SET: variants seen among roughly 807,000 people sequenced by gnomAD.
The protein encoded by SET is protein SET.
A neutral mutation model predicts 39.0 loss-of-function variants in SET; 4 were observed. The ratio of observed to expected loss-of-function variants is 0.10; its 90% CI spans 0.05 to 0.23. The LOEUF (loss-of-function observed/expected upper bound fraction) is 0.23, where lower values mean the gene tolerates loss of function less well. SET is among the 10% of genes least tolerant of loss of function. The pLI is 1.00. For missense variants in SET, 137 were observed against 329.7 expected, an observed-to-expected ratio of 0.42 and a Z score of 4.53; for synonymous variants, 114 against 115.9, an observed-to-expected ratio of 0.98 and a Z score of 0.11.
At chr9:128,692,435 G>T in intron 3 of SET, 1 of 321,264 alleles carries the variant, frequency 3.1e-6, no homozygotes, top group African/African-American at 2.2e-5. Flanking sequence ...TCAAAGACGG[G>T]AAAAGATATA....
In SET at chr9:128,692,152, C is replaced by T. The variant is rs540634039; in HGVS notation, c.274+152C>T. 51 of 888,366 alleles carry T rather than the reference C, an allele frequency of 5.7e-5. No homozygotes were observed. In the African/African-American group the frequency reaches 7.7e-4, roughly 13 times the overall value. 55.0% of individuals were successfully genotyped at this position (888,366 alleles called of 1,614,324 possible). A position where few individuals can be genotyped will look rare whatever the true frequency, so the allele number is the denominator to read the frequency against. On this transcript the variant is annotated intron_variant, in intron 3 of 7. Transcript: ENST00000322030. ...CTGTAATCCCAGCACTTTGGGAGGC[C>T]GAGGTGGGTGGATCACTTGAGGTCA...
chr9:128,694,428 G>A (rs1861656630), intron 7 of SET, among the ~76,000 whole-genome samples: 1 of 152,084 alleles, frequency 6.6e-6, no homozygotes, highest in Admixed American at 6.6e-5. Flanking sequence ...TTTTATTTCG[G>A]ATTATTTGAT....
In SET at chr9:128,695,165, A is replaced by G. The variant is rs1409377152; in HGVS notation, c.*501A>G. On this transcript the variant is annotated 3_prime_UTR_variant, in exon 8 of 8. Transcript: ENST00000322030. ...TTTAAAAAAAGAAAAAAAAACTTAA[A>G]AAAATGGGGTTATAGAAGGTCAGCA... The G allele has an allele frequency of 4.5e-6, 1 of 223,738 alleles. No homozygotes were observed. Among genetic ancestry groups the G allele is most frequent in the Admixed American group, 5.7e-5 (1 of 17,540 alleles). The allele number at this position is 223,738 out of a possible 1,614,324, so 13.9% of individuals were successfully genotyped here. A position where few individuals can be genotyped will look rare whatever the true frequency, so the allele number is the denominator to read the frequency against.
chr9:128,693,546 T>G (rs1861620486), intron 5 of SET, 92 bp from the exon 6 acceptor site: 3 of 1,358,118 alleles, frequency 2.2e-6, no homozygotes, highest in South Asian at 3.1e-5. Context: ...TTTGTTTTGC[T>G]TAGCTTTTGG....
intron 1 of SET, chr9:128,690,940 G>T: frequency 1.7e-6 from 1 of 579,982 alleles, no homozygotes; most frequent in Non-Finnish European, 3.1e-6. Context: ...TTAAAAAGGC[G>T]CTATAGAAAA....
chr9:128,693,535 AT>A, intron 5 of SET, 102 bp from the exon 6 acceptor site: 1 of 1,228,888 alleles, frequency 8.1e-7, no homozygotes, highest in Admixed American at 2.8e-5. Context: ...GTATACTGAT[AT>A]TTGTTTTGCT....
upstream of SET, among the ~76,000 whole-genome samples, chr9:128,686,700 G>T (rs753721279): frequency 6.6e-6 from 1 of 152,172 alleles, no homozygotes; most frequent in African/African-American, 2.4e-5. Flanking sequence ...GGCAGGGTGC[G>T]ATGGCTAACT....
upstream of SET, among the ~76,000 whole-genome samples, chr9:128,686,310 G>T (rs1861284023): frequency 6.6e-6 from 1 of 151,992 alleles, no homozygotes; most frequent in Non-Finnish European, 1.5e-5. Flanking sequence ...GAAAAGAGGG[G>T]CAGGGAGGTG....
chr9:128,688,344 C>G (rs746212026), upstream of SET, among the ~76,000 whole-genome samples: 1 of 152,152 alleles, frequency 6.6e-6, no homozygotes, highest in Non-Finnish European at 1.5e-5. Context: ...ATGCTTTGGC[C>G]CTCCTTAGTG....
At chr9:128,685,324 C>A, upstream of SET, 2 of 862,780 alleles carry the variant, frequency 2.3e-6, no homozygotes, top group South Asian at 1.5e-5. Context: ...CACTAGACAG[C>A]GCCTAGCACA....
chr9:128,692,140 A>G, intron 3 of SET, 140 bp downstream of exon 3: 2 of 1,015,514 alleles, frequency 2.0e-6, no homozygotes, highest in South Asian at 1.8e-5. Context: ...TAATCCCAGC[A>G]CTTTGGGAGG....
chr9:128,692,214 C>G, intron 3 of SET: 1 of 465,636 alleles, frequency 2.1e-6, no homozygotes, highest in Non-Finnish European at 3.8e-6. Context: ...GGTTGAAACC[C>G]CGTCTCTACT....
chr9:128,685,434 G>A (rs1269391622), upstream of SET, among the ~76,000 whole-genome samples: 1 of 152,196 alleles, frequency 6.6e-6, no homozygotes, highest in Non-Finnish European at 1.5e-5. Context: ...AGGACTGGAA[G>A]GGATGGAAAG....
At chr9:128,691,511 C>T (rs1202516126) in intron 2 of SET, among the ~76,000 whole-genome samples, 1 of 152,186 alleles carries the variant, frequency 6.6e-6, no homozygotes, top group African/African-American at 2.4e-5. Flanking sequence ...TCAGTGGTTG[C>T]TCTAACTTGC....
In SET at chr9:128,690,657, G is replaced by T. The variant is rs535186780; in HGVS notation, c.74-513G>T. 3.6e-5 allele frequency: 6 copies of T among 166,584 alleles called. No individual in the cohort carries two copies. The South Asian group carries it at 5.9e-4, about 16-fold the overall frequency. The allele number at this position is 166,584 out of a possible 1,614,324, so 10.3% of individuals were successfully genotyped here. A position where few individuals can be genotyped will look rare whatever the true frequency, so the allele number is the denominator to read the frequency against. ...GCCAGGGTGTAGGATGGTGCCCCGT[G>T]ACTTTCCAGTCTTTGTAGGCGTGCC... is the stretch of plus-strand genomic sequence containing the variant. On this transcript the variant is annotated intron_variant, in intron 1 of 7. Transcript: ENST00000322030.
At chr9:128,690,261 G>C (rs1338589228) in intron 1 of SET, 2 of 153,046 alleles carry the variant, frequency 1.3e-5, no homozygotes, top group African/African-American at 4.8e-5. Context: ...CGGCCGCCCC[G>C]TCGCGCCAGC....
chr9:128,691,358 A>G, intron 2 of SET, 131 bp downstream of exon 2: 1 of 652,360 alleles, frequency 1.5e-6, no homozygotes, highest in Non-Finnish European at 2.7e-6. Context: ...GGAAATACTT[A>G]TGTAGATTCA....
chr9:128,688,782 C>A (rs1164971137), upstream of SET, among the ~76,000 whole-genome samples: 1 of 152,168 alleles, frequency 6.6e-6, no homozygotes, highest in Non-Finnish European at 1.5e-5. Context: ...GAATGGGGTG[C>A]CCCCTGCTTT....
Position 128,689,320 on chromosome 9 carries a change from C to T in SET, c.-263C>T. ...GCGAGTGAGGGAGCCGAGCCGCCCG[C>T]CGCCGCCGCCTCCGCCTCCCCTCCG... On this transcript the variant is annotated 5_prime_UTR_variant, in exon 1 of 8. Transcript: ENST00000322030. 2.9e-6 allele frequency: 3 copies of T among 1,033,532 alleles called. No homozygotes were observed. Among genetic ancestry groups the T allele is most frequent in the Non-Finnish European group, 3.5e-6 (3 of 860,482 alleles). 64.0% of individuals were successfully genotyped at this position (1,033,532 alleles called of 1,614,324 possible).
Sources: gnomAD v4.1 joint callset for allele counts (sites outside exome capture counted in the v4.1 genomes callset) on GRCh38, gnomAD v4.1.1 for gene constraint, MANE v1.5 for transcripts, NCBI Gene and HGNC (gene_info 2026-07-23, HGNC 2026-07-21) for gene names.